Variants in NRP1 observed in about 807,000 individuals in gnomAD.
NRP1 encodes neuropilin-1.
NRP1 carries 35 observed loss-of-function variants against 106.7 expected under a neutral mutation model. That is an observed-to-expected ratio of 0.33 (90% confidence interval 0.25 to 0.43). The LOEUF (loss-of-function observed/expected upper bound fraction) is 0.43. Ranked by LOEUF, NRP1 falls within the 20% of genes least tolerant of loss-of-function variation. NRP1 has a pLI of 1.00. For missense variants in NRP1, 1,024 were observed against 1,170.4 expected (o/e 0.87, Z 1.83); for synonymous variants, 437 against 417.9 (o/e 1.05, Z -0.56).
intron 13 of NRP1, among the ~76,000 whole-genome samples, chr10:33,188,763 C>T (rs1485075631): frequency 3.3e-5 from 5 of 150,844 alleles, no homozygotes; most frequent in Non-Finnish European, 5.9e-5. Context: ...TGTAGTAGCT[C>T]CTACATAGCT....
Position 33,270,675 on chromosome 10 carries a change from C to G in NRP1, c.430G>C (p.Gly144Arg). 1 of 1,607,746 alleles carries G rather than the reference C, an allele frequency of 6.2e-7. No individual in the cohort carries two copies. The highest frequency in any genetic ancestry group is 8.5e-7 in the Non-Finnish European group (1 of 1,177,048). The change falls in exon 3 of 17, where the codon GGT (glycine) becomes CGT (arginine). Residue 144 changes from glycine to arginine, a missense_variant and splice_region_variant. Transcript: ENST00000374867. Reference protein sequence around the residue: ...FSIRYEIFKRGPECSQNYTTP... With the variant: ...FSIRYEIFKRRPECSQNYTTP... ...GTTCTACCGTAAGCTGTTCACTCAC[C>G]TCTCTTGAAAATTTCATAACGTATG...
chr10:33,213,244 G>A (rs772191649), intron 9 of NRP1, 142 bp downstream of exon 9: 25 of 1,595,906 alleles, frequency 1.6e-5, no homozygotes, highest in Non-Finnish European at 2.1e-5. Flanking sequence ...CTAGAATCAA[G>A]GGTCTTACTG....
At chr10:33,304,715 C>A (rs920559050) in intron 2 of NRP1, among the ~76,000 whole-genome samples, 2 of 152,192 alleles carry the variant, frequency 1.3e-5, no homozygotes, top group Non-Finnish European at 1.5e-5. Flanking sequence ...CGACTCCTCC[C>A]CATTTATTTG....
intron 3 of NRP1, among the ~76,000 whole-genome samples, chr10:33,266,753 G>A (rs1842944055): frequency 6.6e-6 from 1 of 152,174 alleles, no homozygotes; most frequent in African/African-American, 2.4e-5. Flanking sequence ...CTCATGAATA[G>A]TTTAGCACTA....
At position 33,314,022 on chromosome 10, in the gene NRP1, C is replaced by T. The variant is rs7477281; in HGVS notation, c.248+16686G>A. ...CCTTTCGTTTTCCTTCCTTCCTTCT[C>T]TCTCTCTCTTTCTCTCTCTCTTTCT... On this transcript the variant is annotated intron_variant, in intron 2 of 16. Transcript: ENST00000374867. Among the ~76,000 whole-genome samples, 28 of 33,704 alleles carry T rather than the reference C, an allele frequency of 8.3e-4. No individual in the cohort carries two copies. In the East Asian group the frequency reaches 0.018, roughly 22 times the overall value. 22.1% of individuals were successfully genotyped at this position (33,704 alleles called of 152,430 possible).
intron 6 of NRP1, among the ~76,000 whole-genome samples, chr10:33,235,019 T>C (rs1390091015): frequency 6.6e-6 from 1 of 152,222 alleles, no homozygotes; most frequent in Non-Finnish European, 1.5e-5. Context: ...TCCGTCTTTT[T>C]TGGCAGATGA....
intron 11 of NRP1, chr10:33,202,529 T>A: frequency 7.6e-7 from 1 of 1,310,804 alleles, no homozygotes; most frequent in Non-Finnish European, 1.0e-6. Flanking sequence ...ATAAACATTC[T>A]GAAGTGTGTG....
At chr10:33,269,319 G>T (rs1843133463) in intron 3 of NRP1, among the ~76,000 whole-genome samples, 1 of 152,198 alleles carries the variant, frequency 6.6e-6, no homozygotes, top group East Asian at 1.9e-4. Flanking sequence ...TAGAGACAGG[G>T]TCTTGCTCTG....
rs146323106 is a variant in NRP1, at chr10:33,249,658, G to A, written c.981+4370C>T. 1.9e-4 allele frequency: 69 copies of A among 364,872 alleles called. No homozygotes were observed. The East Asian group carries it at 4.7e-3, about 25-fold the overall frequency. The allele number at this position is 364,872 out of a possible 1,614,324, so 22.6% of individuals were successfully genotyped here. On this transcript the variant is annotated intron_variant, in intron 6 of 16. Coordinates refer to ENST00000374867, the MANE Select transcript of NRP1 (RefSeq NM_003873.7). ...TGGAATAATCTGGAAAAAAAGGCAG[G>A]GCAGGCAAATTTCATAGTGTGATTA... is the stretch of plus-strand genomic sequence containing the variant.
chr10:33,231,245 T>G (rs1840104545), intron 6 of NRP1, among the ~76,000 whole-genome samples: 1 of 152,132 alleles, frequency 6.6e-6, no homozygotes, highest in Non-Finnish European at 1.5e-5. Context: ...CCTTCTAGAT[T>G]GTTGTGTGGA....
chr10:33,266,261 C>T (rs1310716114), intron 3 of NRP1, among the ~76,000 whole-genome samples: 2 of 152,064 alleles, frequency 1.3e-5, no homozygotes, highest in African/African-American at 2.4e-5. Flanking sequence ...GAAGTGATCC[C>T]AGGTTTTCTT....
intron 2 of NRP1, among the ~76,000 whole-genome samples, chr10:33,295,638 G>A (rs867814313): frequency 4.7e-4 from 71 of 152,256 alleles, no homozygotes; most frequent in Middle Eastern, 6.8e-3. Flanking sequence ...GAGCCCAGGA[G>A]GTTGAGGCTG....
intron 8 of NRP1, among the ~76,000 whole-genome samples, chr10:33,217,624 GA>G (rs977392441): frequency 2.0e-5 from 3 of 152,162 alleles, no homozygotes; most frequent in Non-Finnish European, 4.4e-5. Flanking sequence ...GATGCCCAGT[GA>G]AATTAGAATT....
chr10:33,228,633 T>G (rs796322977), intron 6 of NRP1, among the ~76,000 whole-genome samples: 14 of 152,286 alleles, frequency 9.2e-5, no homozygotes, highest in African/African-American at 3.4e-4. Context: ...ATCAACATGT[T>G]GTCTACATCC....
intron 6 of NRP1, among the ~76,000 whole-genome samples, chr10:33,253,737 T>C (rs563574579): frequency 1.6e-3 from 243 of 152,350 alleles, no homozygotes; most frequent in Non-Finnish European, 3.0e-3. Flanking sequence ...GAGACACTTG[T>C]AGTCACATTC....
intron 10 of NRP1, chr10:33,206,276 C>T (rs375091243): frequency 1.9e-6 from 1 of 519,024 alleles, no homozygotes. Flanking sequence ...TGAGTGGAGT[C>T]TGCCCATCTC....
rs150206691 is a variant in NRP1, at chr10:33,284,222, T to G, written c.249-13366A>C. ...ATTATTCCAGCAAAAAGGGGATTTG[T>G]TTTTACTAAAAACCAGAATATGTAA... On this transcript the variant is annotated intron_variant, in intron 2 of 16. Coordinates refer to ENST00000374867, the MANE Select transcript of NRP1 (RefSeq NM_003873.7). Among the ~76,000 whole-genome samples, 1,384 of 152,320 alleles carry G rather than the reference T, an allele frequency of 9.1e-3. 13 individuals are homozygous for G. Among genetic ancestry groups the G allele is most frequent in the Non-Finnish European group, 0.015 (1,008 of 68,020 alleles).
At chr10:33,332,121 A>G (rs1177805986) in intron 1 of NRP1, among the ~76,000 whole-genome samples, 1 of 152,210 alleles carries the variant, frequency 6.6e-6, no homozygotes, top group Non-Finnish European at 1.5e-5. Context: ...TACATGCATT[A>G]CAGAAATCAT....
At chr10:33,184,609 A>G (rs191868677) in intron 15 of NRP1, among the ~76,000 whole-genome samples, 21 of 152,278 alleles carry the variant, frequency 1.4e-4, no homozygotes, top group African/African-American at 3.9e-4. Context: ...TTGCAACTAA[A>G]CTATTAAGCC....
Sources: gnomAD v4.1 joint callset for allele counts (sites outside exome capture counted in the v4.1 genomes callset) on GRCh38, gnomAD v4.1.1 for gene constraint, MANE v1.5 for transcripts, NCBI Gene and HGNC (gene_info 2026-07-23, HGNC 2026-07-21) for gene names.